Variants in KCNB2 observed in about 807,000 individuals in gnomAD.
KCNB2 encodes the protein potassium voltage-gated channel subfamily B member 2, also known as delayed rectifier potassium channel protein.
Under a neutral mutation model 61.5 loss-of-function variants are expected in KCNB2, and 15 were observed. The ratio of observed to expected loss-of-function variants is 0.24; its 90% CI spans 0.16 to 0.38. The LOEUF (loss-of-function observed/expected upper bound fraction) is 0.38. KCNB2 is among the 10% of genes least tolerant of loss of function. The pLI is 1.00. For missense variants in KCNB2, 828 were observed against 1,125.2 expected, an observed-to-expected ratio of 0.74 and a Z score of 3.78; for synonymous variants, 457 against 446.0, an observed-to-expected ratio of 1.02 and a Z score of -0.31.
At chr8:72,548,176 T>G (rs565729535) in intron 1 of KCNB2, among the ~76,000 whole-genome samples, 53 of 152,214 alleles carry the variant, frequency 3.5e-4, no homozygotes, top group Non-Finnish European at 6.3e-4. Context: ...TACCTTTACA[T>G]GCACTGGGAA....
chr8:72,726,975 C>G (rs975039779), intron 2 of KCNB2, among the ~76,000 whole-genome samples: 8 of 152,124 alleles, frequency 5.3e-5, no homozygotes, highest in African/African-American at 1.2e-4. Context: ...TGAACCTCAC[C>G]TAATGAAAAT....
At chr8:72,737,521 A>G (rs1023940491) in intron 2 of KCNB2, among the ~76,000 whole-genome samples, 4 of 152,182 alleles carry the variant, frequency 2.6e-5, no homozygotes, top group Non-Finnish European at 5.9e-5. Context: ...TCCTTCTGTG[A>G]TGTTTTCTAG....
chr8:72,710,012 C>G (rs1266474730), intron 2 of KCNB2, among the ~76,000 whole-genome samples: 1 of 152,110 alleles, frequency 6.6e-6, no homozygotes, highest in Non-Finnish European at 1.5e-5. Flanking sequence ...TTTCAGTAAC[C>G]CATACCCCAG....
At chr8:72,632,305 A>G (rs1489059742) in intron 2 of KCNB2, among the ~76,000 whole-genome samples, 1 of 152,164 alleles carries the variant, frequency 6.6e-6, no homozygotes, top group Non-Finnish European at 1.5e-5. Context: ...TCATGAAGTG[A>G]AAATTATATA....
chr8:72,717,946 T>G (rs1807474507), intron 2 of KCNB2, among the ~76,000 whole-genome samples: 1 of 151,746 alleles, frequency 6.6e-6, no homozygotes, highest in Non-Finnish European at 1.5e-5. Flanking sequence ...GAATCTACAA[T>G]GAACTCAAAC....
intron 2 of KCNB2, among the ~76,000 whole-genome samples, chr8:72,741,692 C>T (rs1807962936): frequency 6.6e-6 from 1 of 152,112 alleles, no homozygotes; most frequent in Non-Finnish European, 1.5e-5. Flanking sequence ...TCCTGACTTA[C>T]TTCAATTAGA....
intron 2 of KCNB2, among the ~76,000 whole-genome samples, chr8:72,837,755 C>T (rs4350023): frequency 0.85 from 129,717 of 152,082 alleles, 56,286 homozygotes; most frequent in Middle Eastern, 0.97. Context: ...ACCACAGCAA[C>T]GGGAAATGTT....
In KCNB2 at chr8:72,606,712, A is replaced by T. The variant is rs138344905; in HGVS notation, c.579+38399A>T. Among the ~76,000 whole-genome samples, 17 of 152,300 alleles carry T rather than the reference A, an allele frequency of 1.1e-4. No individual in the cohort carries two copies. The East Asian group carries it at 3.3e-3, about 29-fold the overall frequency. ...GAGAGATCATGAATAGTCCGCCAGG[A>T]TGGGTCCCCACGGGGAAAAAGACCC... On this transcript the variant is annotated intron_variant, in intron 2 of 2. Coordinates refer to ENST00000523207, the MANE Select transcript of KCNB2 (RefSeq NM_004770.3).
intron 2 of KCNB2, among the ~76,000 whole-genome samples, chr8:72,863,125 A>G (rs1029889282): frequency 2.6e-5 from 4 of 152,202 alleles, no homozygotes; most frequent in Admixed American, 6.5e-5. Context: ...AAATAATCCA[A>G]TTCAGTTCTG....
intron 2 of KCNB2, among the ~76,000 whole-genome samples, chr8:72,817,126 C>A (rs1320772014): frequency 6.6e-6 from 1 of 152,126 alleles, no homozygotes; most frequent in Non-Finnish European, 1.5e-5. Flanking sequence ...AGGGGGGCAA[C>A]ATTGTCCTTA....
chr8:72,685,020 T>C (rs1806826984), intron 2 of KCNB2, among the ~76,000 whole-genome samples: 1 of 152,162 alleles, frequency 6.6e-6, no homozygotes, highest in Non-Finnish European at 1.5e-5. Context: ...AATTATAATT[T>C]CACTAAGGCA....
At chr8:72,670,620 G>T (rs1563554816) in intron 2 of KCNB2, among the ~76,000 whole-genome samples, 1 of 152,104 alleles carries the variant, frequency 6.6e-6, no homozygotes, top group Non-Finnish European at 1.5e-5. Flanking sequence ...GCAGTTCTGT[G>T]CAGTGTGATC....
intron 2 of KCNB2, among the ~76,000 whole-genome samples, chr8:72,778,689 C>T (rs1178657831): frequency 8.6e-6 from 1 of 116,422 alleles, no homozygotes; most frequent in East Asian, 3.0e-4. Flanking sequence ...AAGCTGTGAT[C>T]ACACCACTGC....
chr8:72,726,260 C>G (rs992640117), intron 2 of KCNB2, among the ~76,000 whole-genome samples: 2 of 152,192 alleles, frequency 1.3e-5, no homozygotes, highest in Non-Finnish European at 2.9e-5. Flanking sequence ...AATCACAAAT[C>G]AGGAAGAGAC....
intron 2 of KCNB2, among the ~76,000 whole-genome samples, chr8:72,854,031 C>T (rs1810164748): frequency 6.6e-6 from 1 of 152,154 alleles, no homozygotes; most frequent in Admixed American, 6.5e-5. Context: ...TGAAACATTT[C>T]CCTCAATTAA....
chr8:72,787,312 G>A (rs1482408721), intron 2 of KCNB2, among the ~76,000 whole-genome samples: 1 of 151,882 alleles, frequency 6.6e-6, no homozygotes, highest in Non-Finnish European at 1.5e-5. Context: ...TGGGAGGATG[G>A]CTTGAGCCCA....
At chr8:72,893,368 A>G (rs1392221395) in intron 2 of KCNB2, among the ~76,000 whole-genome samples, 1 of 152,172 alleles carries the variant, frequency 6.6e-6, no homozygotes, top group Admixed American at 6.5e-5. Context: ...AGTATTTTAT[A>G]ACTTAGATTT....
chr8:72,846,016 C>A (rs1048914261), intron 2 of KCNB2, among the ~76,000 whole-genome samples: 1 of 151,144 alleles, frequency 6.6e-6, no homozygotes, highest in Non-Finnish European at 1.5e-5. Flanking sequence ...TGGCAGCTAG[C>A]TTGGTGTCTG....
chr8:72,916,229 G>C (rs1322366059), intron 2 of KCNB2, among the ~76,000 whole-genome samples: 2 of 152,152 alleles, frequency 1.3e-5, no homozygotes, highest in African/African-American at 2.4e-5. Context: ...TTTGGAAAAG[G>C]TTGGTTAAAT....
Sources: gnomAD v4.1 joint callset for allele counts (sites outside exome capture counted in the v4.1 genomes callset) on GRCh38, gnomAD v4.1.1 for gene constraint, MANE v1.5 for transcripts, NCBI Gene and HGNC (gene_info 2026-07-23, HGNC 2026-07-21) for gene names.